ERI3: variants seen among roughly 807,000 people sequenced by gnomAD.
ERI3 encodes ERI1 exoribonuclease family member 3.
In ERI3, 18 loss-of-function variants were observed where a neutral mutation model predicts 44.4. The ratio of observed to expected loss-of-function variants is 0.41; its 90% CI spans 0.28 to 0.60. The LOEUF (loss-of-function observed/expected upper bound fraction) is 0.60. Ranked by LOEUF, ERI3 falls within the 20% of genes least tolerant of loss-of-function variation. The pLI, the probability that ERI3 is intolerant of heterozygous loss-of-function variation, is 0.36. For missense variants in ERI3, 294 were observed against 435.5 expected, an observed-to-expected ratio of 0.68 and a Z score of 2.89; for synonymous variants, 183 against 164.8, an observed-to-expected ratio of 1.11 and a Z score of -0.84.
intron 3 of ERI3, among the ~76,000 whole-genome samples, chr1:44,332,397 T>C (rs1646448778): frequency 6.6e-6 from 1 of 152,112 alleles, no homozygotes; most frequent in Admixed American, 6.5e-5. Context: ...CTAAATTATG[T>C]GGTGATTTTG....
chr1:44,230,093 G>A (rs919644935), intron 8 of ERI3, among the ~76,000 whole-genome samples: 30 of 152,112 alleles, frequency 2.0e-4, no homozygotes, highest in Admixed American at 2.0e-3. Flanking sequence ...CCTGAGCCTC[G>A]TCCTGGCCAT....
In ERI3 at chr1:44,235,632, A is replaced by G. The variant is rs1254328129; in HGVS notation, c.931+12307T>C. ...GACATTTGCCACCCAAAGCCTTGAC[A>G]TGCCCAGGCCCTGAAACCCTGTCAT... On this transcript the variant is annotated intron_variant, in intron 8 of 8. Transcript: ENST00000372257. The surrounding 1 kb of genome is among the most constrained non-coding windows in gnomAD (Gnocchi z 4.6). Among the ~76,000 whole-genome samples the G allele has an allele frequency of 6.6e-6, 1 of 152,228 alleles. No individual in the cohort carries two copies. Among genetic ancestry groups the G allele is most frequent in the Non-Finnish European group, 1.5e-5 (1 of 68,040 alleles).
At chr1:44,309,002 A>G (rs908550267) in intron 5 of ERI3, among the ~76,000 whole-genome samples, 18 of 152,132 alleles carry the variant, frequency 1.2e-4, no homozygotes, top group Admixed American at 1.0e-3. Flanking sequence ...CTGGCCCCCA[A>G]TTTCGTATTT....
At chr1:44,318,353 T>C (rs541429997) in intron 4 of ERI3, among the ~76,000 whole-genome samples, 28 of 152,306 alleles carry the variant, frequency 1.8e-4, no homozygotes, top group South Asian at 6.2e-4. Flanking sequence ...TTCCTTCCCT[T>C]CGCATAAGCA....
intron 4 of ERI3, among the ~76,000 whole-genome samples, chr1:44,319,310 G>A (rs1257986372): frequency 6.6e-6 from 1 of 152,240 alleles, no homozygotes; most frequent in Admixed American, 6.5e-5. Flanking sequence ...TCTTGCCAAG[G>A]GGCCCTAAGG....
intron 6 of ERI3, among the ~76,000 whole-genome samples, chr1:44,289,528 T>C (rs1470655300): frequency 1.3e-5 from 2 of 152,208 alleles, no homozygotes; most frequent in East Asian, 3.9e-4. Flanking sequence ...GCAAAGAGCA[T>C]TCCCCCTACT....
chr1:44,288,275 T>C (rs1458865945), intron 6 of ERI3, among the ~76,000 whole-genome samples: 1 of 152,200 alleles, frequency 6.6e-6, no homozygotes, highest in Non-Finnish European at 1.5e-5. Flanking sequence ...TCAGGGGCTC[T>C]AGTCACTTGC....
intron 3 of ERI3, among the ~76,000 whole-genome samples, chr1:44,333,280 G>A (rs532424642): frequency 2.0e-5 from 3 of 152,322 alleles, no homozygotes; most frequent in African/African-American, 7.2e-5. Context: ...TTACATTAAC[G>A]TCGGTTTTGC....
intron 3 of ERI3, among the ~76,000 whole-genome samples, chr1:44,323,846 A>C (rs1646252501): frequency 6.6e-6 from 1 of 152,236 alleles, no homozygotes; most frequent in African/African-American, 2.4e-5. Flanking sequence ...GGAAAATGAG[A>C]ATGAGACTTA....
intron 1 of ERI3, 113 bp downstream of exon 1, chr1:44,354,779 G>C (rs1428393416): frequency 7.9e-7 from 1 of 1,271,366 alleles, no homozygotes; most frequent in Non-Finnish European, 1.0e-6. Flanking sequence ...TAAGCATCCA[G>C]GGTAAGCACA....
At chr1:44,336,920 G>C (rs1398615630) in intron 3 of ERI3, among the ~76,000 whole-genome samples, 1 of 152,226 alleles carries the variant, frequency 6.6e-6, no homozygotes, top group African/African-American at 2.4e-5. Context: ...CCCTAACTCA[G>C]CCTGGGTCTG....
At chr1:44,273,291 T>C (rs1171127892) in intron 7 of ERI3, among the ~76,000 whole-genome samples, 1 of 152,240 alleles carries the variant, frequency 6.6e-6, no homozygotes, top group Non-Finnish European at 1.5e-5. Flanking sequence ...TTCAGGGCAA[T>C]GAATTTCTGT....
chr1:44,342,423 G>C (rs1438753722), intron 2 of ERI3, among the ~76,000 whole-genome samples: 1 of 152,126 alleles, frequency 6.6e-6, no homozygotes, highest in East Asian at 1.9e-4. Context: ...ACTGTTAAGA[G>C]AAAGGAGTTA....
intron 2 of ERI3, among the ~76,000 whole-genome samples, chr1:44,347,232 T>C (rs1646802919): frequency 6.6e-6 from 1 of 152,172 alleles, no homozygotes; most frequent in African/African-American, 2.4e-5. Flanking sequence ...CCTTAAGCAA[T>C]AATTAAGTCT....
At chr1:44,304,280 G>GTT (rs1645788561) in intron 6 of ERI3, among the ~76,000 whole-genome samples, 1 of 152,110 alleles carries the variant, frequency 6.6e-6, no homozygotes, top group African/African-American at 2.4e-5. Context: ...CTATGGCAAA[G>GTT]ACGAGATCAC....
At chr1:44,307,772 G>A (rs1163634721) in intron 6 of ERI3, among the ~76,000 whole-genome samples, 1 of 152,192 alleles carries the variant, frequency 6.6e-6, no homozygotes, top group African/African-American at 2.4e-5. Context: ...GTTCACCAGG[G>A]TCTTGCAGGC....
At chr1:44,335,502 G>A (rs226060) in intron 3 of ERI3, among the ~76,000 whole-genome samples, 97,188 of 151,952 alleles carry the variant, frequency 0.64, 32,626 homozygotes, top group East Asian at 0.81. Flanking sequence ...GCTCATGCCT[G>A]TAATCCCAGA....
intron 7 of ERI3, among the ~76,000 whole-genome samples, chr1:44,258,281 T>C (rs1053693838): frequency 6.6e-6 from 1 of 152,212 alleles, no homozygotes; most frequent in Non-Finnish European, 1.5e-5. Context: ...CAAAGCACTT[T>C]AAGTTTCTAA....
intron 5 of ERI3, among the ~76,000 whole-genome samples, chr1:44,310,957 G>GCGCA (rs1392098981): frequency 3.9e-5 from 3 of 76,744 alleles, no homozygotes; most frequent in East Asian, 6.9e-4. Flanking sequence ...CACATCGCGC[G>GCGCA]CGCGCGCACA....
Sources: gnomAD v4.1 joint callset for allele counts (sites outside exome capture counted in the v4.1 genomes callset) on GRCh38, gnomAD v4.1.1 for gene constraint, Gnocchi (gnomAD v3.1) non-coding constraint, MANE v1.5 for transcripts, NCBI Gene and HGNC (gene_info 2026-07-23, HGNC 2026-07-21) for gene names.